ASIC2: variants seen among roughly 807,000 people sequenced by gnomAD.
ASIC2 encodes the protein acid-sensing ion channel 2.
Under a neutral mutation model 57.3 loss-of-function variants are expected in ASIC2, and 25 were observed. That is an observed-to-expected ratio of 0.44 (90% CI 0.32 to 0.61). The LOEUF is 0.61. ASIC2 is among the 20% of genes least tolerant of loss of function. The pLI, the probability that ASIC2 is intolerant of heterozygous loss-of-function variation, is 0.06. For synonymous variants in ASIC2, 319 were observed against 307.5 expected, an observed-to-expected ratio of 1.04 and a Z score of -0.39; for missense variants, 641 against 738.1, an observed-to-expected ratio of 0.87 and a Z score of 1.52.
At chr17:33,393,220 A>G (rs1003091991) in intron 1 of ASIC2, among the ~76,000 whole-genome samples, 1 of 152,170 alleles carries the variant, frequency 6.6e-6, no homozygotes, top group Non-Finnish European at 1.5e-5. Flanking sequence ...TTGGCTTTCA[A>G]TAATCTTCCC....
In ASIC2 at chr17:34,059,404, C is replaced by T. The variant is rs75170272; in HGVS notation, c.555+96574G>A. Among the ~76,000 whole-genome samples the T allele has an allele frequency of 7.0e-3, 1,069 of 152,190 alleles. 9 individuals are homozygous for T. The highest frequency in any genetic ancestry group is 0.017 in the Middle Eastern group (5 of 294). On this transcript the variant is annotated intron_variant, in intron 1 of 9. Coordinates refer to the ASIC2 transcript ENST00000359872. Reference sequence around the variant, plus strand: ...TTACAGGGAACCATCAGGAGGGTGGCGAGAGGAGCAGAGGGTAAAACTCCA... The same window carrying T: ...TTACAGGGAACCATCAGGAGGGTGGTGAGAGGAGCAGAGGGTAAAACTCCA...
At chr17:33,784,095 G>A (rs1312606526) in intron 1 of ASIC2, among the ~76,000 whole-genome samples, 1 of 152,164 alleles carries the variant, frequency 6.6e-6, no homozygotes, top group Admixed American at 6.5e-5. Context: ...AGGTTGGGGG[G>A]TCATTGAGCA....
At chr17:33,128,475 G>C (rs1301241006) in intron 1 of ASIC2, among the ~76,000 whole-genome samples, 3 of 152,206 alleles carry the variant, frequency 2.0e-5, no homozygotes, top group African/African-American at 7.2e-5. Flanking sequence ...CATGCAAGAG[G>C]TTTACTGGGC....
At chr17:33,625,955 G>A (rs958476414) in intron 1 of ASIC2, among the ~76,000 whole-genome samples, 3 of 152,236 alleles carry the variant, frequency 2.0e-5, no homozygotes, top group African/African-American at 7.2e-5. Context: ...TCAGGCATTG[G>A]TAGGAATTCC....
intron 1 of ASIC2, among the ~76,000 whole-genome samples, chr17:33,955,961 C>A (rs574846561): frequency 1.3e-5 from 2 of 152,062 alleles, no homozygotes; most frequent in African/African-American, 4.8e-5. Context: ...GGGATAGTTC[C>A]TATCTCTTGA....
At chr17:33,116,029 T>C (rs4795746) in intron 1 of ASIC2, among the ~76,000 whole-genome samples, 35,598 of 152,110 alleles carry the variant, frequency 0.23, 5,212 homozygotes, top group East Asian at 0.47. Flanking sequence ...TCCCACCTAA[T>C]TGGACCTAAG....
chr17:33,594,331 G>T (rs574684680), intron 1 of ASIC2, among the ~76,000 whole-genome samples: 44 of 152,346 alleles, frequency 2.9e-4, no homozygotes, highest in Admixed American at 1.9e-3. Context: ...GAGCAGGTAC[G>T]GCTCTGGGGA....
intron 1 of ASIC2, among the ~76,000 whole-genome samples, chr17:33,192,383 CAAAAACAAAA>C (rs1906455040): frequency 7.0e-6 from 1 of 142,278 alleles, no homozygotes; most frequent in East Asian, 2.1e-4. Context: ...AACTCAGTCT[CAAAAACAAAA>C]CAAAACAAAA....
intron 1 of ASIC2, among the ~76,000 whole-genome samples, chr17:34,043,247 A>G (rs1199431109): frequency 6.6e-6 from 1 of 152,238 alleles, no homozygotes; most frequent in Non-Finnish European, 1.5e-5. Flanking sequence ...ATAATGCACT[A>G]AACTGTAAAC....
At chr17:33,621,916 A>C (rs989682214) in intron 1 of ASIC2, among the ~76,000 whole-genome samples, 3 of 152,110 alleles carry the variant, frequency 2.0e-5, no homozygotes, top group Non-Finnish European at 2.9e-5. Context: ...TGATAATAGT[A>C]CCTACCTTGC....
chr17:33,088,290 C>T (rs2092143155), intron 3 of ASIC2, among the ~76,000 whole-genome samples: 1 of 152,188 alleles, frequency 6.6e-6, no homozygotes, highest in Non-Finnish European at 1.5e-5. Context: ...ATGTAAGACT[C>T]GCTTCAGACG....
intron 1 of ASIC2, among the ~76,000 whole-genome samples, chr17:33,137,132 G>A (rs2092370105): frequency 6.6e-6 from 1 of 152,174 alleles, no homozygotes; most frequent in Non-Finnish European, 1.5e-5. Context: ...AGGAAGCTTT[G>A]ACTCCACTCA....
intron 1 of ASIC2, among the ~76,000 whole-genome samples, chr17:34,127,666 G>A (rs1911828667): frequency 6.6e-6 from 1 of 152,202 alleles, no homozygotes; most frequent in Non-Finnish European, 1.5e-5. Flanking sequence ...GGGGGCTTCA[G>A]CTCCCCTGCT....
intron 1 of ASIC2, among the ~76,000 whole-genome samples, chr17:33,136,010 G>A (rs2092365577): frequency 6.6e-6 from 1 of 152,128 alleles, no homozygotes; most frequent in African/African-American, 2.4e-5. Flanking sequence ...TGGCTGCTGG[G>A]GGCTCTCTGG....
At chr17:33,877,308 A>G (rs528053687) in intron 1 of ASIC2, among the ~76,000 whole-genome samples, 21 of 152,328 alleles carry the variant, frequency 1.4e-4, no homozygotes, top group African/African-American at 4.8e-4. Flanking sequence ...CATGAGCCAA[A>G]GCAGGGCAAG....
intron 1 of ASIC2, among the ~76,000 whole-genome samples, chr17:33,966,780 T>C (rs1366906013): frequency 6.6e-6 from 1 of 152,258 alleles, no homozygotes; most frequent in East Asian, 1.9e-4. Context: ...CTTCACTTGC[T>C]AATTTTATAC....
chr17:33,411,200 T>C (rs139062476), intron 1 of ASIC2, among the ~76,000 whole-genome samples: 1 of 152,334 alleles, frequency 6.6e-6, no homozygotes, highest in East Asian at 1.9e-4. Flanking sequence ...TGAGCTAGTG[T>C]GTGTGGTCTT....
At chr17:33,888,283 A>G (rs1040377126) in intron 1 of ASIC2, among the ~76,000 whole-genome samples, 3 of 152,144 alleles carry the variant, frequency 2.0e-5, no homozygotes, top group Non-Finnish European at 4.4e-5. Context: ...ATTGTAAAAG[A>G]CAGGTAGGGT....
At chr17:33,227,133 G>GCGAGGCC (rs1250880763) in intron 1 of ASIC2, among the ~76,000 whole-genome samples, 3 of 152,218 alleles carry the variant, frequency 2.0e-5, no homozygotes, top group Admixed American at 1.3e-4. Context: ...CTGCTTGGCA[G>GCGAGGCC]CGAGGCCCAA....
Sources: gnomAD v4.1 joint callset for allele counts (sites outside exome capture counted in the v4.1 genomes callset) on GRCh38, gnomAD v4.1.1 for gene constraint, MANE v1.5 for transcripts, NCBI Gene and HGNC (gene_info 2026-07-23, HGNC 2026-07-21) for gene names.